CEP112: variants seen among roughly 807,000 people sequenced by gnomAD.
CEP112 encodes centrosomal protein of 112 kDa.
Under a neutral mutation model 153.0 loss-of-function variants are expected in CEP112, and 127 were observed. The observed-to-expected ratio is 0.83, with a 90% CI of 0.72 to 0.96. The LOEUF is 0.96. Among genes scored for constraint, CEP112 ranks in the 40% least tolerant of loss-of-function variants. CEP112 has a pLI of 0.00. For synonymous variants in CEP112, 358 were observed against 374.4 expected (o/e 0.96, Z 0.51); for missense variants, 1,089 against 1,101.2 (o/e 0.99, Z 0.16).
intron 4 of CEP112, among the ~76,000 whole-genome samples, chr17:66,136,947 A>G (rs1339664948): frequency 6.6e-6 from 1 of 152,170 alleles, no homozygotes; most frequent in African/African-American, 2.4e-5. Context: ...CTGTTTTTCA[A>G]ATATGCAGAC....
At chr17:65,744,525 G>A (rs754188346) in intron 22 of CEP112, among the ~76,000 whole-genome samples, 155 of 152,210 alleles carry the variant, frequency 1.0e-3, no homozygotes, top group Non-Finnish European at 5.9e-4. Context: ...GATTACAGGC[G>A]TGAGCCACCA....
intron 8 of CEP112, 67 bp from the exon 9 acceptor site, chr17:66,070,068 A>G: frequency 1.2e-6 from 1 of 829,206 alleles, no homozygotes; most frequent in Non-Finnish European, 2.0e-6. Context: ...ACACAATTAA[A>G]CTAAAATAAT....
At chr17:65,769,793 T>G (rs987931) in intron 21 of CEP112, among the ~76,000 whole-genome samples, 74,123 of 151,854 alleles carry the variant, frequency 0.49, 20,049 homozygotes, top group East Asian at 0.8. Context: ...GCAGCAGTTT[T>G]CCCTGTGAGT....
intron 10 of CEP112, among the ~76,000 whole-genome samples, 188 bp downstream of exon 10, chr17:66,066,580 GACACACACAC>G (rs3056817): frequency 6.6e-6 from 1 of 150,750 alleles, no homozygotes; most frequent in Non-Finnish European, 1.5e-5. Context: ...CACACACACA[GACACACACAC>G]ACACACACAA....
chr17:65,998,177 T>C lies in CEP112; in HGVS notation c.1736+7513A>G, dbSNP rs368429024. On this transcript the variant is annotated intron_variant, in intron 17 of 26. Coordinates refer to ENST00000535342, the MANE Select transcript of CEP112 (RefSeq NM_001199165.4). Reference sequence around the variant, plus strand: ...GGATGGATCACTTGAGCTCAGGAGTTTGAGACCAGCCTGGGCAAAATGGTG... The same window carrying C: ...GGATGGATCACTTGAGCTCAGGAGTCTGAGACCAGCCTGGGCAAAATGGTG... Among the ~76,000 whole-genome samples, 11 of 151,852 alleles carry C rather than the reference T, an allele frequency of 7.2e-5. 1 individual carries two copies. In the East Asian group the frequency reaches 1.6e-3, roughly 21 times the overall value.
chr17:65,864,242 A>C (rs1022294000), intron 20 of CEP112, among the ~76,000 whole-genome samples: 2 of 151,946 alleles, frequency 1.3e-5, no homozygotes, highest in African/African-American at 4.8e-5. Flanking sequence ...CCATGTGTCC[A>C]CCTAACTATC....
chr17:65,957,288 A>G (rs973289293), intron 18 of CEP112, among the ~76,000 whole-genome samples: 2 of 152,218 alleles, frequency 1.3e-5, no homozygotes, highest in African/African-American at 4.8e-5. Context: ...GCTGTCATAT[A>G]ATTTGTTAGT....
chr17:65,697,193 C>A (rs981880490), intron 23 of CEP112, among the ~76,000 whole-genome samples: 1 of 152,138 alleles, frequency 6.6e-6, no homozygotes, highest in Non-Finnish European at 1.5e-5. Context: ...AAAATCTTGA[C>A]GTAAACCTCT....
At position 65,942,863 on chromosome 17, in the gene CEP112, G is replaced by A. The variant is rs2061545438; in HGVS notation, c.1873-15174C>T. Reference sequence around the variant, plus strand: ...ACTCTTTCTCCAGTAAAGTACTATTGTGTTATTATACTCTAAGTAATTTGA... The same window carrying A: ...ACTCTTTCTCCAGTAAAGTACTATTATGTTATTATACTCTAAGTAATTTGA... On this transcript the variant is annotated intron_variant, in intron 18 of 26. Transcript: ENST00000535342. 5.9e-5 allele frequency among the ~76,000 whole-genome samples: 9 copies of A among 152,172 alleles called. No individual in the cohort carries two copies. In the South Asian group the frequency reaches 1.9e-3, roughly 32 times the overall value.
At chr17:65,887,105 A>C (rs867102700) in intron 20 of CEP112, among the ~76,000 whole-genome samples, 5 of 152,072 alleles carry the variant, frequency 3.3e-5, no homozygotes, top group African/African-American at 1.2e-4. Context: ...GAAAAAAAAA[A>C]CAGGTTTCCC....
intron 5 of CEP112, 124 bp from the exon 6 acceptor site, chr17:66,129,947 T>TA (rs766015753): frequency 3.0e-5 from 12 of 400,826 alleles, no homozygotes; most frequent in African/African-American, 5.4e-5. Context: ...AGGAAGGAAG[T>TA]AAAAAAGGAA....
chr17:65,965,804 C>A (rs977135192), intron 17 of CEP112, among the ~76,000 whole-genome samples: 1 of 152,090 alleles, frequency 6.6e-6, no homozygotes, highest in South Asian at 2.1e-4. Flanking sequence ...AGGCATAAGC[C>A]GCTGCACCTG....
intron 21 of CEP112, among the ~76,000 whole-genome samples, chr17:65,768,224 C>G (rs189576898): frequency 6.6e-6 from 1 of 151,950 alleles, no homozygotes; most frequent in African/African-American, 2.4e-5. Context: ...CTAGGGAAAA[C>G]AAAATGTTAT....
At chr17:66,124,962 A>T (rs2069772796) in intron 6 of CEP112, among the ~76,000 whole-genome samples, 1 of 152,216 alleles carries the variant, frequency 6.6e-6, no homozygotes, top group East Asian at 1.9e-4. Context: ...AACTCTGAAT[A>T]TAGTTACACT....
chr17:65,666,149 C>T (rs1051653448), intron 24 of CEP112, among the ~76,000 whole-genome samples: 1 of 152,174 alleles, frequency 6.6e-6, no homozygotes, highest in African/African-American at 2.4e-5. Flanking sequence ...GGGCCAAATC[C>T]GAACTCTGGG....
chr17:65,692,245 T>TTC, intron 23 of CEP112, among the ~76,000 whole-genome samples: 1 of 149,838 alleles, frequency 6.7e-6, no homozygotes, highest in Non-Finnish European at 1.5e-5. Flanking sequence ...TTTTTTTTTT[T>TTC]TGAGACGGAG....
intron 9 of CEP112, among the ~76,000 whole-genome samples, chr17:66,068,827 TAG>T (rs1356896539): frequency 5.3e-5 from 8 of 152,106 alleles, no homozygotes; most frequent in African/African-American, 7.2e-5. Flanking sequence ...TATACATCAA[TAG>T]ACTCTATTTC....
chr17:66,053,135 A>T (rs1478642112), intron 12 of CEP112, among the ~76,000 whole-genome samples: 1 of 151,142 alleles, frequency 6.6e-6, no homozygotes, highest in Non-Finnish European at 1.5e-5. Context: ...AAAAGAGATT[A>T]TCTCTGAACT....
chr17:66,038,110 A>AAAAAAAAAAAAAAAAAGAAAAG (rs71293591), intron 12 of CEP112, among the ~76,000 whole-genome samples: 1 of 120,658 alleles, frequency 8.3e-6, no homozygotes, highest in African/African-American at 3.3e-5. Flanking sequence ...CAAAAAAAAA[A>AAAAAAAAAAAAAAAAAGAAAAG]AAAAGAAAAG....
Sources: allele counts gnomAD v4.1 joint callset (sites outside exome capture counted in the v4.1 genomes callset), GRCh38; gene constraint gnomAD v4.1.1; transcripts MANE v1.5; gene names NCBI Gene and HGNC (gene_info 2026-07-23, HGNC 2026-07-21).